The following PCNX4 variants were observed in gnomAD, a reference collection of about 807,000 sequenced individuals.
The protein encoded by PCNX4 is pecanex-like protein 4.
Under a neutral mutation model 107.2 loss-of-function variants are expected in PCNX4, and 103 were observed. That is an observed-to-expected ratio of 0.96 (90% CI 0.82 to 1.13). The LOEUF (loss-of-function observed/expected upper bound fraction) is 1.13. Among genes scored for constraint, PCNX4 ranks in the 50% most tolerant of loss-of-function variants. The probability of loss-of-function intolerance (pLI) is 0.00; values close to 1 mark genes in which losing one functional copy is unlikely to be tolerated. For missense variants in PCNX4, 1,528 were observed against 1,379.4 expected (o/e 1.11, Z -1.71); for synonymous variants, 541 against 481.7 (o/e 1.12, Z -1.61).
Position 60,138,417 on chromosome 14 carries a change from A to G in PCNX4, c.*4196A>G, listed in dbSNP as rs998106492. ...CATGATAAATAAAAACAAAATTACA[A>G]CTTAGCACATCCTAAGAAAAAATAA... On this transcript the variant is annotated 3_prime_UTR_variant, in exon 11 of 11. Transcript: ENST00000406854. 7 of 152,164 alleles carry G rather than the reference A, an allele frequency of 4.6e-5. No homozygotes were observed. The highest frequency in any genetic ancestry group is 3.2e-3 in the Middle Eastern group (1 of 316). The allele number at this position is 152,164 out of a possible 1,614,324, so 9.4% of individuals were successfully genotyped here.
intron 8 of PCNX4, among the ~76,000 whole-genome samples, chr14:60,123,382 A>G (rs1365144441): frequency 6.6e-6 from 1 of 152,146 alleles, no homozygotes; most frequent in Non-Finnish European, 1.5e-5. Flanking sequence ...CCTTTGAAAC[A>G]GGAAAAAGGA....
At chr14:60,094,804 TA>T (rs1262658892) in intron 1 of PCNX4, among the ~76,000 whole-genome samples, 1 of 133,944 alleles carries the variant, frequency 7.5e-6, no homozygotes, top group African/African-American at 2.6e-5. Flanking sequence ...ACCTTCCCTT[TA>T]AAAAAAACCT....
At chr14:60,099,856 G>A (rs1164382800) in intron 1 of PCNX4, among the ~76,000 whole-genome samples, 1 of 152,090 alleles carries the variant, frequency 6.6e-6, no homozygotes, top group Non-Finnish European at 1.5e-5. Flanking sequence ...TTGAGGTTAG[G>A]AGTTCGAGAC....
chr14:60,115,091 A>T lies in PCNX4; in HGVS notation c.987A>T (p.Leu329Phe), dbSNP rs142194041. ...TGFGFLLSLN[L>F]SDMGHKIGTK... ...TTGGTTTCTTGCTGAGTCTGAACTTAAGTGATATGGGTCACAAAATTGGAA... is the reference window on the plus strand; with the variant it reads ...TTGGTTTCTTGCTGAGTCTGAACTTTAGTGATATGGGTCACAAAATTGGAA... Residue 329 changes from leucine (L) to phenylalanine (F), a missense_variant, in exon 4 of 11, where the codon TTA becomes TTT. Transcript: ENST00000406854. 1.2e-6 allele frequency: 2 copies of T among 1,613,818 alleles called. No individual in the cohort carries two copies. Among genetic ancestry groups the T allele is most frequent in the African/African-American group, 1.3e-5 (1 of 74,900 alleles).
chr14:60,129,958 CAAAG>C (rs200753240), intron 10 of PCNX4, among the ~76,000 whole-genome samples: 2,054 of 152,094 alleles, frequency 0.014, 27 homozygotes, highest in South Asian at 0.037. Context: ...AGATATGAGA[CAAAG>C]AAAACAAAGG....
intron 2 of PCNX4, 59 bp from the exon 3 acceptor site, chr14:60,114,641 C>A: frequency 7.2e-7 from 1 of 1,390,172 alleles, no homozygotes. Flanking sequence ...TTTGCTTTTT[C>A]TTAAAAGATC....
intron 1 of PCNX4, among the ~76,000 whole-genome samples, chr14:60,101,217 G>A (rs1041689731): frequency 6.6e-6 from 1 of 152,172 alleles, no homozygotes; most frequent in African/African-American, 2.4e-5. Flanking sequence ...TTTCTTAAAT[G>A]TATTTGATGT....
Position 60,145,345 on chromosome 14 carries a change from CAG to C in PCNX4, c.*11126_*11127del, listed in dbSNP as rs1896371242. ...GCCCTAATAAATAAAAACAATGAGT[CAG>C]ATTATGTAGAATTGAGATATATGGA... On this transcript the variant is annotated 3_prime_UTR_variant, in exon 11 of 11. Coordinates refer to ENST00000406854, the MANE Select transcript of PCNX4 (RefSeq NM_001330177.2). This position sits in a 1 kb window ranked among gnomAD's most constrained non-coding sequence, Gnocchi z 4.0. 1 of 175,278 alleles carries C rather than the reference CAG, an allele frequency of 5.7e-6. No individual in the cohort carries two copies. Among genetic ancestry groups the C allele is most frequent in the Admixed American group, 6.2e-5 (1 of 16,090 alleles). The allele number at this position is 175,278 out of a possible 1,614,324, so 10.9% of individuals were successfully genotyped here.
intron 10 of PCNX4, among the ~76,000 whole-genome samples, chr14:60,129,183 T>A (rs1242049878): frequency 6.7e-6 from 1 of 148,852 alleles, no homozygotes; most frequent in Non-Finnish European, 1.5e-5. Flanking sequence ...GAGGTTGCAG[T>A]GAGCCGAGAT....
chr14:60,110,262 A>C (rs1421479402), intron 2 of PCNX4: 2 of 167,156 alleles, frequency 1.2e-5, no homozygotes, highest in Non-Finnish European at 2.9e-5. Context: ...GTTCAGCTAC[A>C]AAAGTGCAGT....
chr14:60,125,794 T>G lies in PCNX4; in HGVS notation c.3238T>G (p.Leu1080Val). 6.2e-7 allele frequency: 1 copy of G among 1,609,676 alleles called. No individual in the cohort carries two copies. Among genetic ancestry groups the G allele is most frequent in the Non-Finnish European group, 8.5e-7 (1 of 1,178,240 alleles). The part of the protein sequence containing the change: ...KEAILQEKPY[L>V]FSLGYDSNMG... ...AGCAATTTTACAAGAAAAGCCATAC[T>G]TGTTTTCTCTGGGGTATGATTCTAA... is the stretch of plus-strand genomic sequence containing the variant. Residue 1080 changes from leucine (L) to valine (V), a missense_variant, in exon 10 of 11, where the codon TTG becomes GTG. Transcript: ENST00000406854.
At position 60,136,795 on chromosome 14, in the gene PCNX4, CT is replaced by C. The variant is rs1436208553; in HGVS notation, c.*2576del. 11 of 152,570 alleles carry C rather than the reference CT, an allele frequency of 7.2e-5. No homozygotes were observed. In the East Asian group the frequency reaches 1.9e-3, roughly 27 times the overall value. The allele number at this position is 152,570 out of a possible 1,614,324, so 9.5% of individuals were successfully genotyped here. On this transcript the variant is annotated 3_prime_UTR_variant, in exon 11 of 11. Coordinates refer to ENST00000406854, the MANE Select transcript of PCNX4 (RefSeq NM_001330177.2). The stretch of plus-strand genomic sequence containing the variant: ...GTGGTGGGATGTCATCATAGTATTC[CT>C]TGGAACTTTGCCCAGCAAGATATGA...
In PCNX4 at chr14:60,115,087, A is replaced by G. The variant is rs1895818131; in HGVS notation, c.983A>G (p.Asn328Ser). Residue 328 changes from asparagine to serine, a missense_variant, in exon 4 of 11, where the codon AAC becomes AGC. Physicochemically the swap from Asn to Ser is conservative, Grantham distance 46 (BLOSUM62 1). Transcript: ENST00000406854. ...MTGFGFLLSL[N>S]LSDMGHKIGT... ...GGATTTGGTTTCTTGCTGAGTCTGAACTTAAGTGATATGGGTCACAAAATT... is the reference window on the plus strand; with the variant it reads ...GGATTTGGTTTCTTGCTGAGTCTGAGCTTAAGTGATATGGGTCACAAAATT... 6.2e-7 allele frequency: 1 copy of G among 1,613,762 alleles called. No individual in the cohort carries two copies. Among genetic ancestry groups the G allele is most frequent in the Non-Finnish European group, 8.5e-7 (1 of 1,179,870 alleles).
In PCNX4 at chr14:60,141,139, C is replaced by G. The variant is rs1896302040; in HGVS notation, c.*6918C>G. 6.6e-6 allele frequency: 1 copy of G among 152,206 alleles called. No individual in the cohort carries two copies. Among genetic ancestry groups the G allele is most frequent in the Non-Finnish European group, 1.5e-5 (1 of 68,054 alleles). The allele number at this position is 152,206 out of a possible 1,614,324, so 9.4% of individuals were successfully genotyped here. On this transcript the variant is annotated 3_prime_UTR_variant, in exon 11 of 11. Transcript: ENST00000406854. ...GCCAGATAGCCAACCCCATGTGTCTCCAAGAGCTGTCTCCTACATCCCAGG... is the reference window on the plus strand; with the variant it reads ...GCCAGATAGCCAACCCCATGTGTCTGCAAGAGCTGTCTCCTACATCCCAGG...
intron 7 of PCNX4, 115 bp downstream of exon 7, chr14:60,118,807 C>G (rs1895902005): frequency 1.7e-6 from 2 of 1,154,662 alleles, no homozygotes; most frequent in South Asian, 3.0e-5. Flanking sequence ...ACAACCATAA[C>G]AATTTGATGT....
In PCNX4 at chr14:60,142,578, A is replaced by G. The variant is rs1304408091; in HGVS notation, c.*8357A>G. Reference sequence around the variant, plus strand: ...GAACATTTGGCTTTCACAGCTCTTGACTGTCTTTGGCGAACCTTGACATAA... The same window carrying G: ...GAACATTTGGCTTTCACAGCTCTTGGCTGTCTTTGGCGAACCTTGACATAA... On this transcript the variant is annotated 3_prime_UTR_variant, in exon 11 of 11. Transcript: ENST00000406854. This position sits in a 1 kb window ranked among gnomAD's most constrained non-coding sequence, Gnocchi z 4.7. 1 of 152,202 alleles carries G rather than the reference A, an allele frequency of 6.6e-6. No homozygotes were observed. Among genetic ancestry groups the G allele is most frequent in the Non-Finnish European group, 1.5e-5 (1 of 68,028 alleles). 9.4% of individuals were successfully genotyped at this position (152,202 alleles called of 1,614,324 possible).
At chr14:60,101,226 G>A (rs160227) in intron 1 of PCNX4, among the ~76,000 whole-genome samples, 112,472 of 152,144 alleles carry the variant, frequency 0.74, 44,016 homozygotes, top group Non-Finnish European at 0.87. Context: ...TGTATTTGAT[G>A]TCTTATGCCT....
chr14:60,131,504 G>A (rs996947783), intron 10 of PCNX4, among the ~76,000 whole-genome samples: 1 of 152,146 alleles, frequency 6.6e-6, no homozygotes, highest in Non-Finnish European at 1.5e-5. Flanking sequence ...AAATTGAACA[G>A]TAGTAGTACA....
intron 1 of PCNX4, among the ~76,000 whole-genome samples, chr14:60,104,167 A>C (rs1171275260): frequency 6.6e-6 from 1 of 152,008 alleles, no homozygotes; most frequent in Non-Finnish European, 1.5e-5. Context: ...AAAAATACAA[A>C]AATTAGTTGG....
Sources: allele counts gnomAD v4.1 joint callset (sites outside exome capture counted in the v4.1 genomes callset), GRCh38; gene constraint gnomAD v4.1.1; non-coding constraint Gnocchi (gnomAD v3.1); transcripts MANE v1.5; gene names NCBI Gene and HGNC (gene_info 2026-07-23, HGNC 2026-07-21).